Variants in RASGRP1 observed in about 807,000 individuals in gnomAD.
RASGRP1 encodes RAS guanyl releasing protein 1.
In RASGRP1, 37 loss-of-function variants were observed where a neutral mutation model predicts 95.1. The ratio of observed to expected loss-of-function variants is 0.39; its 90% CI spans 0.30 to 0.51. The LOEUF (loss-of-function observed/expected upper bound fraction) is 0.51, where lower values mean the gene tolerates loss of function less well. Among genes scored for constraint, RASGRP1 ranks in the 20% least tolerant of loss-of-function variants. The pLI, the probability that RASGRP1 is intolerant of heterozygous loss-of-function variation, is 0.80. For synonymous variants in RASGRP1, 325 were observed against 353.4 expected (o/e 0.92, Z 0.90); for missense variants, 711 against 965.4 (o/e 0.74, Z 3.49).
intron 7 of RASGRP1, 125 bp downstream of exon 7, chr15:38,512,658 T>C: frequency 8.4e-7 from 1 of 1,194,242 alleles, no homozygotes; most frequent in South Asian, 1.5e-5. Flanking sequence ...CACACAAACC[T>C]CTCCACCCCC....
At chr15:38,515,123 G>A (rs1891708200) in intron 6 of RASGRP1, among the ~76,000 whole-genome samples, 1 of 152,194 alleles carries the variant, frequency 6.6e-6, no homozygotes, top group Non-Finnish European at 1.5e-5. Context: ...AATAACCTTT[G>A]TAACCTGATT....
intron 9 of RASGRP1, among the ~76,000 whole-genome samples, chr15:38,507,109 G>A (rs965278220): frequency 2.0e-5 from 3 of 152,182 alleles, no homozygotes; most frequent in Non-Finnish European, 2.9e-5. Flanking sequence ...AGACTAATTC[G>A]TTTGAGGAGA....
chr15:38,496,081 T>C (rs1046092593), intron 15 of RASGRP1, among the ~76,000 whole-genome samples: 2 of 152,060 alleles, frequency 1.3e-5, no homozygotes, highest in African/African-American at 4.8e-5. Context: ...GAGGTACAAG[T>C]TTCAAGAAAG....
In RASGRP1 at chr15:38,508,017, G is replaced by C. The variant is rs1339475352; in HGVS notation, c.967-16C>G. The C allele has an allele frequency of 6.3e-7, 1 of 1,591,248 alleles. No individual in the cohort carries two copies. The highest frequency in any genetic ancestry group is 1.3e-5 in the African/African-American group (1 of 74,316). ...CACCGAGAACCTACAAAGCAGAACAGACCAATCACAGGTACCCGCTAGGCA... is the reference window on the plus strand; with the variant it reads ...CACCGAGAACCTACAAAGCAGAACACACCAATCACAGGTACCCGCTAGGCA... On this transcript the variant is annotated splice_polypyrimidine_tract_variant and intron_variant, in intron 8 of 16. Transcript: ENST00000310803.
chr15:38,512,879 G>A lies in RASGRP1; in HGVS notation c.753C>T (p.Cys251=). The A allele has an allele frequency of 6.2e-7, 1 of 1,613,038 alleles. No individual in the cohort carries two copies. The highest frequency in any genetic ancestry group is 1.3e-5 in the African/African-American group (1 of 75,032). The change falls in exon 7 of 17, where the codon TGC becomes TGT. Residue 251 remains cysteine (C), a synonymous_variant. Transcript: ENST00000310803. ...GTTGTACCCACTGGGAGATGCCGTTGCACAGAGCAATAGATCGCTCCATGG... is the reference window on the plus strand; with the variant it reads ...GTTGTACCCACTGGGAGATGCCGTTACACAGAGCAATAGATCGCTCCATGG... ...NPTMERSIAL[C]NGISQWVQLM...
chr15:38,554,716 C>T (rs1033878982), intron 2 of RASGRP1, among the ~76,000 whole-genome samples: 2 of 152,236 alleles, frequency 1.3e-5, no homozygotes, highest in Non-Finnish European at 2.9e-5. Context: ...AATGCTAATT[C>T]ATTCTAGAGG....
rs1380421519 is a variant in RASGRP1 at position 38,489,250 on chromosome 15, T to G, written c.*1304A>C. 2.2e-5 allele frequency: 3 copies of G among 134,336 alleles called. No homozygotes were observed. The highest frequency in any genetic ancestry group is 4.6e-5 in the Non-Finnish European group (3 of 65,224). 8.3% of individuals were successfully genotyped at this position (134,336 alleles called of 1,614,324 possible). A position where few individuals can be genotyped will look rare whatever the true frequency, so the allele number is the denominator to read the frequency against. On this transcript the variant is annotated 3_prime_UTR_variant, in exon 17 of 17. Coordinates refer to ENST00000310803, the MANE Select transcript of RASGRP1 (RefSeq NM_005739.4). The stretch of plus-strand genomic sequence containing the variant: ...CCCAAAAAGGAAAATGATCATATGA[T>G]TTTTTTTTTTTTAAGAGAACTAAAA...
At chr15:38,502,789 G>A (rs1016048889) in intron 11 of RASGRP1, 1 of 244,190 alleles carries the variant, frequency 4.1e-6, no homozygotes, top group South Asian at 7.2e-5. Context: ...AGTTGGAAGT[G>A]CTCTGTCCCC....
intron 2 of RASGRP1, among the ~76,000 whole-genome samples, chr15:38,547,396 A>G (rs1893145006): frequency 6.6e-6 from 1 of 152,012 alleles, no homozygotes; most frequent in Admixed American, 6.5e-5. Flanking sequence ...TCAACCAATG[A>G]CCGATGGGAC....
At chr15:38,515,577 A>T (rs866309823) in intron 6 of RASGRP1, among the ~76,000 whole-genome samples, 6 of 152,134 alleles carry the variant, frequency 3.9e-5, no homozygotes, top group Non-Finnish European at 8.8e-5. Flanking sequence ...GACTCTGCTT[A>T]GTTGCCCCAG....
In RASGRP1 at chr15:38,518,431, G is replaced by A. The variant is rs1205409748; in HGVS notation, c.390-8C>T. The A allele has an allele frequency of 1.9e-6, 3 of 1,596,776 alleles. No homozygotes were observed. The highest frequency in any genetic ancestry group is 4.5e-5 in the East Asian group (2 of 44,240). On this transcript the variant is annotated splice_region_variant and splice_polypyrimidine_tract_variant and intron_variant, in intron 4 of 16. Transcript: ENST00000310803. ...AATTCTGTTATCCAATACCTACAAG[G>A]AGGGGGTTAAAAAACACAATCCAAA...
At chr15:38,526,881 G>A (rs1411284058) in intron 2 of RASGRP1, among the ~76,000 whole-genome samples, 1 of 152,178 alleles carries the variant, frequency 6.6e-6, no homozygotes, top group Non-Finnish European at 1.5e-5. Flanking sequence ...CCATGGCCTT[G>A]GAAGGGGCTC....
At position 38,489,957 on chromosome 15, in the gene RASGRP1, T is replaced by A. The variant is rs1890506391; in HGVS notation, c.*597A>T. The A allele has an allele frequency of 6.6e-6, 1 of 152,416 alleles. No homozygotes were observed. The highest frequency in any genetic ancestry group is 2.4e-5 in the African/African-American group (1 of 41,408). 9.4% of individuals were successfully genotyped at this position (152,416 alleles called of 1,614,324 possible). Reference sequence around the variant, plus strand: ...TCATGTTTAATAGGCCTCTAAAAAGTTGTGGCTACATCAGTAGAAATTGGC... The same window carrying A: ...TCATGTTTAATAGGCCTCTAAAAAGATGTGGCTACATCAGTAGAAATTGGC... On this transcript the variant is annotated 3_prime_UTR_variant, in exon 17 of 17. Transcript: ENST00000310803.
At chr15:38,555,000 C>T (rs1300845417) in intron 2 of RASGRP1, among the ~76,000 whole-genome samples, 1 of 152,250 alleles carries the variant, frequency 6.6e-6, no homozygotes, top group East Asian at 1.9e-4. Context: ...TGGCCCTTGG[C>T]TTCTGGTCTT....
At chr15:38,551,022 A>G (rs1465777005) in intron 2 of RASGRP1, among the ~76,000 whole-genome samples, 1 of 152,246 alleles carries the variant, frequency 6.6e-6, no homozygotes, top group Admixed American at 6.5e-5. Context: ...AAATATTAAC[A>G]TAAACACTGT....
chr15:38,503,418 A>G, intron 10 of RASGRP1, 42 bp from the exon 11 acceptor site: 2 of 1,380,614 alleles, frequency 1.4e-6, no homozygotes, highest in East Asian at 4.8e-5. Context: ...ACTACAATGC[A>G]ATATTATAAC....
intron 7 of RASGRP1, among the ~76,000 whole-genome samples, chr15:38,512,043 T>G (rs914513621): frequency 2.0e-5 from 3 of 152,222 alleles, no homozygotes; most frequent in African/African-American, 7.2e-5. Flanking sequence ...TCTGATTGCC[T>G]GGATCTGGGG....
rs772107371 is a variant in RASGRP1, at chr15:38,561,786, C to A, written c.36-1781G>T. 2.6e-5 allele frequency among the ~76,000 whole-genome samples: 4 copies of A among 152,198 alleles called. No homozygotes were observed. In the South Asian group the frequency reaches 8.3e-4, roughly 32 times the overall value. On this transcript the variant is annotated intron_variant, in intron 1 of 16. Coordinates refer to ENST00000310803, the MANE Select transcript of RASGRP1 (RefSeq NM_005739.4). ...CATCTGCTAACCCTAGGCAGTAATT[C>A]CTGAAAGATCAAGTCGGTGGTACAG...
intron 16 of RASGRP1, among the ~76,000 whole-genome samples, chr15:38,493,524 T>A (rs1015132135): frequency 2.0e-5 from 3 of 152,184 alleles, no homozygotes; most frequent in Admixed American, 2.0e-4. Flanking sequence ...CTTGGCACCA[T>A]GTTTCCAAAC....
Sources: allele counts gnomAD v4.1 joint callset (sites outside exome capture counted in the v4.1 genomes callset), GRCh38; gene constraint gnomAD v4.1.1; transcripts MANE v1.5; gene names NCBI Gene and HGNC (gene_info 2026-07-23, HGNC 2026-07-21).